Variants in CDYL2 observed in about 807,000 individuals in gnomAD.
CDYL2 encodes chromodomain Y-like protein 2.
A neutral mutation model predicts 49.4 loss-of-function variants in CDYL2; 23 were observed. The ratio of observed to expected loss-of-function variants is 0.47; its 90% CI spans 0.34 to 0.66. The LOEUF is 0.66. Ranked by LOEUF, CDYL2 falls within the 30% of genes least tolerant of loss-of-function variation. The pLI is 0.01. For missense variants in CDYL2, 678 were observed against 656.4 expected (o/e 1.03, Z -0.36); for synonymous variants, 360 against 268.8 (o/e 1.34, Z -3.32).
chr16:80,726,021 T>A (rs1463255138), intron 1 of CDYL2, among the ~76,000 whole-genome samples: 1 of 152,240 alleles, frequency 6.6e-6, no homozygotes, highest in Non-Finnish European at 1.5e-5. Flanking sequence ...TCCTCCATTA[T>A]GTATGTCTGA....
intron 1 of CDYL2, among the ~76,000 whole-genome samples, chr16:80,773,375 C>T (rs905931140): frequency 1.3e-5 from 2 of 152,106 alleles, no homozygotes; most frequent in Admixed American, 6.5e-5. Context: ...TTTCCATAAT[C>T]GGAACAGAGA....
intron 1 of CDYL2, among the ~76,000 whole-genome samples, chr16:80,764,594 T>A (rs979150060): frequency 7.9e-5 from 12 of 152,064 alleles, no homozygotes; most frequent in Non-Finnish European, 2.9e-5. Context: ...TGGGAAAGAA[T>A]ATAGAGGTGA....
chr16:80,748,824 G>A (rs1906029975), intron 1 of CDYL2, among the ~76,000 whole-genome samples: 1 of 151,916 alleles, frequency 6.6e-6, no homozygotes, highest in South Asian at 2.1e-4. Flanking sequence ...CTTATTCCCA[G>A]TTCTGTCATG....
intron 1 of CDYL2, among the ~76,000 whole-genome samples, chr16:80,739,211 G>C (rs1905647513): frequency 6.6e-6 from 1 of 152,150 alleles, no homozygotes; most frequent in Non-Finnish European, 1.5e-5. Context: ...ATTTCATAGA[G>C]ACAGAAAGTG....
At chr16:80,708,204 C>T (rs148098468) in intron 1 of CDYL2, among the ~76,000 whole-genome samples, 4 of 152,254 alleles carry the variant, frequency 2.6e-5, no homozygotes, top group African/African-American at 4.8e-5. Flanking sequence ...TTGGCTGTGT[C>T]CCCACCCAAA....
intron 3 of CDYL2, among the ~76,000 whole-genome samples, chr16:80,622,524 G>A (rs997335218): frequency 2.6e-5 from 4 of 151,988 alleles, no homozygotes; most frequent in Admixed American, 6.6e-5. Flanking sequence ...TTGCTCAACT[G>A]TTATTTTAAT....
intron 2 of CDYL2, among the ~76,000 whole-genome samples, chr16:80,664,751 T>C (rs917610597): frequency 5.3e-5 from 8 of 152,140 alleles, no homozygotes; most frequent in Middle Eastern, 3.2e-3. Context: ...TAGATCTGAA[T>C]CCTGGAACAG....
At chr16:80,773,132 T>C (rs1397537292) in intron 1 of CDYL2, among the ~76,000 whole-genome samples, 1 of 152,220 alleles carries the variant, frequency 6.6e-6, no homozygotes, top group Non-Finnish European at 1.5e-5. Flanking sequence ...CTGCAAATTT[T>C]ATTAAAAGAA....
intron 1 of CDYL2, among the ~76,000 whole-genome samples, chr16:80,730,206 A>G (rs1388736476): frequency 6.6e-6 from 1 of 152,188 alleles, no homozygotes. Flanking sequence ...GACCGCTAGC[A>G]AGACTAATAA....
intron 1 of CDYL2, among the ~76,000 whole-genome samples, chr16:80,716,570 CTGAA>C (rs1904807431): frequency 1.3e-5 from 2 of 151,388 alleles, no homozygotes; most frequent in African/African-American, 4.9e-5. Flanking sequence ...GGATAGATGA[CTGAA>C]TGAATGGACA....
At chr16:80,614,199 T>G (rs1906724783) in intron 4 of CDYL2, among the ~76,000 whole-genome samples, 1 of 152,168 alleles carries the variant, frequency 6.6e-6, no homozygotes, top group Non-Finnish European at 1.5e-5. Context: ...GTGAACCAGC[T>G]CTTCACCAAA....
intron 1 of CDYL2, among the ~76,000 whole-genome samples, chr16:80,698,473 T>C (rs1224530390): frequency 6.6e-6 from 1 of 152,030 alleles, no homozygotes; most frequent in Non-Finnish European, 1.5e-5. Flanking sequence ...CAAAAGACAA[T>C]ATACAAATGG....
At chr16:80,765,252 C>A (rs1906680472) in intron 1 of CDYL2, among the ~76,000 whole-genome samples, 1 of 150,300 alleles carries the variant, frequency 6.7e-6, no homozygotes, top group Non-Finnish European at 1.5e-5. Context: ...CTCCGAGTAT[C>A]CATGCTTGTC....
At chr16:80,775,298 T>C (rs1907043942) in intron 1 of CDYL2, among the ~76,000 whole-genome samples, 2 of 151,860 alleles carry the variant, frequency 1.3e-5, no homozygotes, top group East Asian at 1.9e-4. Flanking sequence ...CTTGAGGAAA[T>C]GTTAAAGATA....
chr16:80,803,926 G>A (rs989085162), intron 1 of CDYL2, among the ~76,000 whole-genome samples: 2 of 144,556 alleles, frequency 1.4e-5, no homozygotes, highest in South Asian at 2.1e-4. Flanking sequence ...GAGAGAAAGA[G>A]AAAGAGGGAG....
intron 1 of CDYL2, among the ~76,000 whole-genome samples, chr16:80,715,800 C>T (rs374803746): frequency 1.3e-5 from 2 of 152,336 alleles, no homozygotes; most frequent in South Asian, 2.1e-4. Flanking sequence ...TGCCCTGCAG[C>T]CACTCTATGG....
chr16:80,764,061 A>C (rs1906629752), intron 1 of CDYL2, among the ~76,000 whole-genome samples: 1 of 152,162 alleles, frequency 6.6e-6, no homozygotes. Context: ...AGGACAAGAC[A>C]AAAAAAGTCT....
chr16:80,717,839 G>A (rs1324898467), intron 1 of CDYL2, among the ~76,000 whole-genome samples: 1 of 152,168 alleles, frequency 6.6e-6, no homozygotes, highest in African/African-American at 2.4e-5. Flanking sequence ...GAAATTCCCT[G>A]GCATGCAAAA....
intron 2 of CDYL2, among the ~76,000 whole-genome samples, chr16:80,667,509 G>T (rs557517122): frequency 6.6e-6 from 1 of 152,190 alleles, no homozygotes; most frequent in Admixed American, 6.5e-5. Flanking sequence ...CCCCTAAGCT[G>T]GCTTCGGTGC....
Sources: gnomAD v4.1 joint callset for allele counts (sites outside exome capture counted in the v4.1 genomes callset) on GRCh38, gnomAD v4.1.1 for gene constraint, MANE v1.5 for transcripts, NCBI Gene and HGNC (gene_info 2026-07-23, HGNC 2026-07-21) for gene names.